RERE: variants seen among roughly 807,000 people sequenced by gnomAD.
RERE encodes the protein arginine-glutamic acid dipeptide repeats protein.
RERE carries 40 observed loss-of-function variants against 146.1 expected under a neutral mutation model. The ratio of observed to expected loss-of-function variants is 0.27; its 90% CI spans 0.21 to 0.36. RERE has a LOEUF of 0.36. RERE is among the 10% of genes least tolerant of loss of function. RERE has a pLI of 1.00. For synonymous variants in RERE, 1,003 were observed against 866.0 expected, an observed-to-expected ratio of 1.16 and a Z score of -2.78; for missense variants, 1,933 against 2,138.7, an observed-to-expected ratio of 0.90 and a Z score of 1.90.
At chr1:8,401,017 C>CAAAAAA (rs142269202) in intron 12 of RERE, among the ~76,000 whole-genome samples, 1 of 65,142 alleles carries the variant, frequency 1.5e-5, no homozygotes, top group Non-Finnish European at 2.9e-5. Flanking sequence ...GACTCTGTCT[C>CAAAAAA]AAAAAAAAAA....
chr1:8,713,625 T>C lies in RERE; in HGVS notation c.-144-57184A>G, dbSNP rs187210209. On this transcript the variant is annotated intron_variant, in intron 1 of 22. Transcript: ENST00000400908. ...GGCAGGCACCTGTAGTCCCAGCTAC[T>C]TGGGAGGCTGAGGCAGAAGAACCAC... 3.9e-5 allele frequency among the ~76,000 whole-genome samples: 6 copies of C among 152,112 alleles called. No homozygotes were observed. The East Asian group carries it at 1.2e-3, about 29-fold the overall frequency.
intron 11 of RERE, among the ~76,000 whole-genome samples, chr1:8,459,866 A>G (rs1644503826): frequency 6.6e-6 from 1 of 152,226 alleles, no homozygotes; most frequent in African/African-American, 2.4e-5. Flanking sequence ...TCCTATCATC[A>G]TTTTTGAATG....
chr1:8,602,736 T>C (rs969151074), intron 4 of RERE, among the ~76,000 whole-genome samples: 114 of 152,186 alleles, frequency 7.5e-4, no homozygotes, highest in African/African-American at 2.7e-3. Flanking sequence ...TGGCTAGTAT[T>C]GGCCAATCTT....
chr1:8,567,795 G>A (rs768026931), intron 4 of RERE, among the ~76,000 whole-genome samples: 9 of 152,176 alleles, frequency 5.9e-5, no homozygotes, highest in Non-Finnish European at 1.3e-4. Flanking sequence ...ACAAGGCTGG[G>A]TAACTAGATG....
intron 1 of RERE, among the ~76,000 whole-genome samples, chr1:8,755,631 C>A (rs1483537558): frequency 6.6e-6 from 1 of 152,098 alleles, no homozygotes; most frequent in Non-Finnish European, 1.5e-5. Flanking sequence ...GGAACTGGGA[C>A]AAAGAATACA....
At chr1:8,661,483 G>A (rs780940025) in intron 1 of RERE, among the ~76,000 whole-genome samples, 3 of 152,146 alleles carry the variant, frequency 2.0e-5, no homozygotes, top group Admixed American at 2.0e-4. Flanking sequence ...TCTGTTTACC[G>A]GAGATCACTC....
At chr1:8,368,036 T>C (rs988225934) in intron 12 of RERE, among the ~76,000 whole-genome samples, 3 of 152,170 alleles carry the variant, frequency 2.0e-5, no homozygotes, top group Admixed American at 6.5e-5. Flanking sequence ...AGGTCATGCT[T>C]CATGAGCTCA....
intron 1 of RERE, among the ~76,000 whole-genome samples, chr1:8,708,718 T>C (rs1447739052): frequency 6.6e-6 from 1 of 152,132 alleles, no homozygotes; most frequent in African/African-American, 2.4e-5. Context: ...TGCTCTTCTT[T>C]GCCTTCCGCC....
intron 21 of RERE, 80 bp from the exon 22 acceptor site, chr1:8,355,679 G>A (rs545087547): frequency 7.6e-5 from 96 of 1,267,920 alleles, no homozygotes; most frequent in African/African-American, 1.0e-4. Flanking sequence ...CACAGCAAAC[G>A]GCAAAGAGCA....
rs532931878 is a variant in RERE, at chr1:8,616,140, T to C, written c.397-1454A>G. On this transcript the variant is annotated intron_variant, in intron 3 of 22. Transcript: ENST00000400908. Reference sequence around the variant, plus strand: ...TGGACTTCTGGATAATCTCTTCCACTAGGAATATGACTGCCCAAACCACTC... The same window carrying C: ...TGGACTTCTGGATAATCTCTTCCACCAGGAATATGACTGCCCAAACCACTC... Among the ~76,000 whole-genome samples the C allele has an allele frequency of 3.7e-4, 56 of 152,350 alleles. No individual in the cohort carries two copies. The South Asian group carries it at 3.9e-3, about 11-fold the overall frequency.
chr1:8,383,930 C>T (rs943331228), intron 12 of RERE, among the ~76,000 whole-genome samples: 6 of 151,502 alleles, frequency 4.0e-5, no homozygotes, highest in Non-Finnish European at 7.4e-5. Context: ...ATTCTATTGC[C>T]GAATTTTAAA....
intron 8 of RERE, among the ~76,000 whole-genome samples, chr1:8,499,400 G>A (rs904614901): frequency 6.6e-6 from 1 of 152,182 alleles, no homozygotes; most frequent in Non-Finnish European, 1.5e-5. Context: ...AGTGGCTCCC[G>A]ACCTGGATGT....
chr1:8,553,203 C>G (rs1442242304), intron 6 of RERE, among the ~76,000 whole-genome samples: 1 of 152,124 alleles, frequency 6.6e-6, no homozygotes, highest in Non-Finnish European at 1.5e-5. Context: ...CGTCCACACA[C>G]ACGTGCAAAA....
rs1038884487 is a variant in RERE at position 8,354,933 on chromosome 1, A to G, written c.*154T>C. ...ATCCTCTCGACAAACGAACACTACT[A>G]TGTGGATACATTTTTAGTTGTGGGT... On this transcript the variant is annotated 3_prime_UTR_variant, in exon 23 of 23. Transcript: ENST00000400908. 1.4e-5 allele frequency: 9 copies of G among 658,802 alleles called. No individual in the cohort carries two copies. In the African/African-American group the frequency reaches 1.6e-4, roughly 12 times the overall value. The allele number at this position is 658,802 out of a possible 1,614,324, so 40.8% of individuals were successfully genotyped here.
In RERE at chr1:8,523,157, C is replaced by T. The variant is rs1216261797; in HGVS notation, c.831-14482G>A. Among the ~76,000 whole-genome samples the T allele has an allele frequency of 2.6e-5, 4 of 152,112 alleles. No homozygotes were observed. In the South Asian group the frequency reaches 6.2e-4, roughly 24 times the overall value. ...AGTGAGCTGAGATCACACCACTGCA[C>T]TCCATCCAGCCTGGGTGACAGCGTG... On this transcript the variant is annotated intron_variant, in intron 7 of 22. Transcript: ENST00000400908.
intron 20 of RERE, among the ~76,000 whole-genome samples, chr1:8,357,987 T>C (rs986083939): frequency 9.8e-5 from 15 of 152,292 alleles, no homozygotes; most frequent in African/African-American, 3.6e-4. Context: ...GTCTGAGGCC[T>C]TGCAGTTCTG....
intron 1 of RERE, among the ~76,000 whole-genome samples, chr1:8,714,184 T>G (rs745647386): frequency 5.9e-5 from 9 of 152,200 alleles, no homozygotes; most frequent in Non-Finnish European, 1.2e-4. Flanking sequence ...ACAATATCTC[T>G]AGAGAGGATT....
intron 4 of RERE, among the ~76,000 whole-genome samples, chr1:8,568,997 A>G (rs940574474): frequency 6.6e-6 from 1 of 152,202 alleles, no homozygotes; most frequent in Non-Finnish European, 1.5e-5. Flanking sequence ...AATTTCGCAG[A>G]TAAATTAAAA....
intron 7 of RERE, among the ~76,000 whole-genome samples, chr1:8,529,501 C>T (rs962635335): frequency 2.7e-5 from 4 of 150,728 alleles, no homozygotes; most frequent in African/African-American, 9.8e-5. Context: ...AGGGTTTCAC[C>T]GTGTTAGCCA....
Sources: gnomAD v4.1 joint callset for allele counts (sites outside exome capture counted in the v4.1 genomes callset) on GRCh38, gnomAD v4.1.1 for gene constraint, MANE v1.5 for transcripts, NCBI Gene and HGNC (gene_info 2026-07-23, HGNC 2026-07-21) for gene names.